CNTN3: variants seen among roughly 807,000 people sequenced by gnomAD.
The protein encoded by CNTN3 is contactin-3.
CNTN3 carries 60 observed loss-of-function variants against 119.1 expected under a neutral mutation model. The ratio of observed to expected loss-of-function variants is 0.50; its 90% CI spans 0.41 to 0.62. CNTN3 has a LOEUF of 0.62. CNTN3 is among the 20% of genes least tolerant of loss of function. The probability of loss-of-function intolerance (pLI) is 0.00; values close to 1 mark genes in which losing one functional copy is unlikely to be tolerated. For synonymous variants in CNTN3, 450 were observed against 438.7 expected (o/e 1.03, Z -0.32); for missense variants, 1,101 against 1,242.4 (o/e 0.89, Z 1.71).
At chr3:74,279,777 C>T (rs1274008254) in intron 20 of CNTN3, among the ~76,000 whole-genome samples, 3 of 151,706 alleles carry the variant, frequency 2.0e-5, no homozygotes, top group African/African-American at 7.3e-5. Flanking sequence ...CTGTACCCCA[C>T]TAACCTATGG....
intron 2 of CNTN3, among the ~76,000 whole-genome samples, chr3:74,508,288 T>C (rs1703301054): frequency 6.6e-6 from 1 of 152,164 alleles, no homozygotes. Flanking sequence ...CCTTCTGCCA[T>C]GATTGTAAGT....
intron 1 of CNTN3, among the ~76,000 whole-genome samples, chr3:74,550,551 A>G (rs1443514940): frequency 1.3e-5 from 2 of 151,982 alleles, no homozygotes; most frequent in African/African-American, 4.8e-5. Context: ...TATTATTATT[A>G]TTATTTGAGA....
chr3:74,512,831 C>T (rs1703392394), intron 2 of CNTN3, among the ~76,000 whole-genome samples: 1 of 151,770 alleles, frequency 6.6e-6, no homozygotes, highest in Admixed American at 6.6e-5. Flanking sequence ...ACAGTCAATG[C>T]TTCATAATTA....
chr3:74,551,205 A>G (rs1703984569), intron 1 of CNTN3, among the ~76,000 whole-genome samples: 1 of 152,332 alleles, frequency 6.6e-6, no homozygotes, highest in Non-Finnish European at 1.5e-5. Context: ...CCTACTTTAC[A>G]GCAAAAGAGG....
At chr3:74,487,493 TA>T (rs1702879981) in intron 3 of CNTN3, among the ~76,000 whole-genome samples, 1 of 152,184 alleles carries the variant, frequency 6.6e-6, no homozygotes, top group Non-Finnish European at 1.5e-5. Flanking sequence ...ACAATGGTCA[TA>T]TCAATTATTT....
chr3:74,339,723 G>C (rs533791897), intron 11 of CNTN3, among the ~76,000 whole-genome samples: 73 of 152,062 alleles, frequency 4.8e-4, no homozygotes, highest in Non-Finnish European at 8.1e-4. Context: ...AATAAAACTT[G>C]TTGAATGAGT....
chr3:74,380,330 T>C (rs538362157), intron 5 of CNTN3, among the ~76,000 whole-genome samples: 7 of 152,318 alleles, frequency 4.6e-5, no homozygotes, highest in African/African-American at 1.7e-4. Flanking sequence ...CAATGTGCAT[T>C]TTGGTGTGCA....
chr3:74,398,158 T>C (rs771981884), intron 5 of CNTN3, among the ~76,000 whole-genome samples: 1 of 152,198 alleles, frequency 6.6e-6, no homozygotes, highest in Non-Finnish European at 1.5e-5. Flanking sequence ...ATTTTAGTTT[T>C]GAAACAAGTT....
chr3:74,264,912 G>A (rs952803084), intron 22 of CNTN3, among the ~76,000 whole-genome samples: 5 of 152,042 alleles, frequency 3.3e-5, no homozygotes, highest in African/African-American at 1.2e-4. Flanking sequence ...GTTGCCAAGA[G>A]TATCTATAAA....
intron 4 of CNTN3, among the ~76,000 whole-genome samples, chr3:74,427,239 G>A (rs996313844): frequency 3.9e-5 from 6 of 152,142 alleles, no homozygotes; most frequent in Non-Finnish European, 5.9e-5. Flanking sequence ...CATTGTAAGT[G>A]GCACTTTGCT....
chr3:74,334,899 T>A lies in CNTN3; in HGVS notation c.1504A>T (p.Ile502Leu), dbSNP rs773243328. The change falls in exon 13 of 23, where the codon ATA becomes TTA. Residue 502 changes from isoleucine (I) to leucine (L), a missense_variant. By Grantham distance (5) the Ile-to-Leu change is conservative (BLOSUM62 2). Coordinates refer to ENST00000263665, the MANE Select transcript of CNTN3 (RefSeq NM_020872.3). Reference sequence around the variant, plus strand: ...TCCATGTTAGATGGTGCCAAAGTTATTCTTGTTGGTTCTATTGGGGAAATA... The same window carrying A: ...TCCATGTTAGATGGTGCCAAAGTTAATCTTGTTGGTTCTATTGGGGAAATA... The part of the protein sequence containing the change: ...THLVVTEPTR[I>L]TLAPSNMDVS... 1.2e-6 allele frequency: 2 copies of A among 1,607,598 alleles called. No individual in the cohort carries two copies. Among genetic ancestry groups the A allele is most frequent in the African/African-American group, 2.7e-5 (2 of 74,626 alleles).
chr3:74,377,211 CT>C (rs773549523), intron 5 of CNTN3, among the ~76,000 whole-genome samples: 1 of 152,000 alleles, frequency 6.6e-6, no homozygotes, highest in Non-Finnish European at 1.5e-5. Flanking sequence ...TTTATAGACT[CT>C]TTGAGATAAA....
intron 4 of CNTN3, among the ~76,000 whole-genome samples, chr3:74,484,956 T>A (rs1341498624): frequency 6.6e-6 from 1 of 152,174 alleles, no homozygotes; most frequent in Non-Finnish European, 1.5e-5. Flanking sequence ...TATTTTAAAA[T>A]TTATTGAGAA....
chr3:74,346,079 CGATAT>C (rs1703681082), intron 11 of CNTN3, among the ~76,000 whole-genome samples: 2 of 151,100 alleles, frequency 1.3e-5, no homozygotes, highest in South Asian at 4.2e-4. Flanking sequence ...AAATACGACA[CGATAT>C]AAGTAAATGA....
intron 5 of CNTN3, among the ~76,000 whole-genome samples, chr3:74,414,994 C>G (rs1237549647): frequency 1.3e-5 from 2 of 148,596 alleles, no homozygotes; most frequent in Non-Finnish European, 3.0e-5. Context: ...TTACTTAAAG[C>G]AGAAAACATC....
chr3:74,380,333 G>A (rs1704582694), intron 5 of CNTN3, among the ~76,000 whole-genome samples: 1 of 152,166 alleles, frequency 6.6e-6, no homozygotes, highest in Non-Finnish European at 1.5e-5. Flanking sequence ...TGTGCATTTT[G>A]GTGTGCAGAT....
At chr3:74,288,364 G>A (rs1702158617) in intron 19 of CNTN3, among the ~76,000 whole-genome samples, 1 of 151,610 alleles carries the variant, frequency 6.6e-6, no homozygotes, top group African/African-American at 2.4e-5. Flanking sequence ...TCACCATGTT[G>A]GCCATCCTGG....
intron 13 of CNTN3, among the ~76,000 whole-genome samples, chr3:74,308,468 T>C (rs765018713): frequency 2.0e-5 from 3 of 152,226 alleles, no homozygotes; most frequent in Non-Finnish European, 4.4e-5. Context: ...TGTTCCATCA[T>C]AAGTGTTTTA....
At chr3:74,273,331 G>A (rs1044344579) in intron 20 of CNTN3, among the ~76,000 whole-genome samples, 5 of 152,142 alleles carry the variant, frequency 3.3e-5, no homozygotes, top group Admixed American at 1.3e-4. Context: ...GCTCCGACTC[G>A]GATGGACAGA....
Sources: allele counts gnomAD v4.1 joint callset (sites outside exome capture counted in the v4.1 genomes callset), GRCh38; gene constraint gnomAD v4.1.1; transcripts MANE v1.5; gene names NCBI Gene and HGNC (gene_info 2026-07-23, HGNC 2026-07-21).